Variants in SMARCB1 observed in about 807,000 individuals in gnomAD.
SMARCB1 encodes the protein SWI/SNF-related matrix-associated actin-dependent regulator of chromatin subfamily B member 1.
Under a neutral mutation model 49.0 loss-of-function variants are expected in SMARCB1, and 5 were observed. The observed-to-expected ratio is 0.10, with a 90% CI of 0.05 to 0.21. The LOEUF is 0.21. SMARCB1 is among the 10% of genes least tolerant of loss of function. The pLI is 1.00. For synonymous variants in SMARCB1, 201 were observed against 200.1 expected (o/e 1.00, Z -0.04); for missense variants, 226 against 509.2 (o/e 0.44, Z 5.35).
chr22:23,795,458 C>A lies in SMARCB1; in HGVS notation c.362+1770C>A, dbSNP rs560348923. 7.9e-5 allele frequency among the ~76,000 whole-genome samples: 12 copies of A among 152,164 alleles called. No homozygotes were observed. The South Asian group carries it at 2.5e-3, about 32-fold the overall frequency. On this transcript the variant is annotated intron_variant, in intron 3 of 8. Coordinates refer to ENST00000644036, the MANE Select transcript of SMARCB1 (RefSeq NM_003073.5). ...ATCACCTGAGGTCAGGAGTTCGAGA[C>A]CAGCCTGACCAACATGGTGAAGCCT... is the stretch of plus-strand genomic sequence containing the variant.
chr22:23,792,046 G>A, intron 2 of SMARCB1, 152 bp downstream of exon 2: 1 of 749,194 alleles, frequency 1.3e-6, no homozygotes, highest in Non-Finnish European at 2.3e-6. Context: ...GAGCACTCCA[G>A]GCAAGGAAGT....
rs2145959920 is a variant in SMARCB1 at position 23,791,768 on chromosome 22, C to T, written c.106C>T (p.Leu36Phe). The change falls in exon 2 of 9, where the codon CTC becomes TTC. Residue 36 changes from leucine to phenylalanine, a missense_variant. By Grantham distance (22) the Leu-to-Phe change is conservative. Transcript: ENST00000644036. Reference protein sequence around the residue: ...YMIGSEVGNYLRMFRGSLYKR... With the variant: ...YMIGSEVGNYFRMFRGSLYKR... ...GCTTTACTCATAGGTGGGAAACTAC[C>T]TCCGTATGTTCCGAGGTTCTCTGTA... 6.2e-7 allele frequency: 1 copy of T among 1,614,036 alleles called. No homozygotes were observed. The highest frequency in any genetic ancestry group is 8.5e-7 in the Non-Finnish European group (1 of 1,179,922).
intron 3 of SMARCB1, among the ~76,000 whole-genome samples, chr22:23,797,912 C>T (rs1001065100): frequency 6.6e-6 from 1 of 152,150 alleles, no homozygotes; most frequent in Non-Finnish European, 1.5e-5. Context: ...AACCACCACA[C>T]CTGGCCAGAA....
intron 7 of SMARCB1, among the ~76,000 whole-genome samples, chr22:23,833,178 C>T (rs2030752769): frequency 6.6e-6 from 1 of 152,174 alleles, no homozygotes; most frequent in Non-Finnish European, 1.5e-5. Context: ...GCTCTGGACA[C>T]TGAGTGGAGC....
intron 1 of SMARCB1, among the ~76,000 whole-genome samples, chr22:23,790,865 T>G: frequency 6.6e-6 from 1 of 152,074 alleles, no homozygotes; most frequent in African/African-American, 2.4e-5. Context: ...TAATAAAAAT[T>G]AAAAATAAAT....
rs1488589550 is a variant in SMARCB1 at position 23,834,553 on chromosome 22, AAAT to A, written c.*377_*379del. ...CAATTTCTTCAAAGTTTTAACATAA[AAAT>A]AATGAGAGCCAGGAGTGGGGCCGGG... On this transcript the variant is annotated 3_prime_UTR_variant, in exon 9 of 9. Coordinates refer to ENST00000644036, the MANE Select transcript of SMARCB1 (RefSeq NM_003073.5). The A allele has an allele frequency of 5.7e-6, 4 of 700,768 alleles. No homozygotes were observed. The highest frequency in any genetic ancestry group is 5.3e-5 in the African/African-American group (3 of 57,108). The allele number at this position is 700,768 out of a possible 1,614,324, so 43.4% of individuals were successfully genotyped here. A position where few individuals can be genotyped will look rare whatever the true frequency, so the allele number is the denominator to read the frequency against.
intron 5 of SMARCB1, among the ~76,000 whole-genome samples, chr22:23,814,738 A>C (rs986191465): frequency 5.9e-5 from 9 of 152,068 alleles, no homozygotes; most frequent in African/African-American, 2.2e-4. Flanking sequence ...TGGGAGGCTG[A>C]GGTGGGCGGA....
In SMARCB1 at chr22:23,809,079, C is replaced by T. The variant is rs891339178; in HGVS notation, c.628+5657C>T. On this transcript the variant is annotated intron_variant, in intron 5 of 8. Transcript: ENST00000644036. The stretch of plus-strand genomic sequence containing the variant: ...CGATCTCCTGACCTCATGATCTGCC[C>T]GCCTTGGCCTCCCAAAGTGCTGGGA... Among the ~76,000 whole-genome samples the T allele has an allele frequency of 7.9e-5, 12 of 151,120 alleles. No individual in the cohort carries two copies. In the South Asian group the frequency reaches 1.3e-3, roughly 16 times the overall value.
chr22:23,794,514 A>T (rs972030864), intron 3 of SMARCB1, among the ~76,000 whole-genome samples: 2 of 152,238 alleles, frequency 1.3e-5, no homozygotes, highest in Middle Eastern at 3.4e-3. Context: ...CTCATTTCTT[A>T]AAAAAACATG....
At chr22:23,797,005 T>C (rs1437677880) in intron 3 of SMARCB1, among the ~76,000 whole-genome samples, 2 of 150,408 alleles carry the variant, frequency 1.3e-5, no homozygotes, top group Non-Finnish European at 3.0e-5. Context: ...TTTTTCTTTT[T>C]TTTTTTTTTT....
At chr22:23,788,484 C>T (rs1928157136) in intron 1 of SMARCB1, among the ~76,000 whole-genome samples, 1 of 151,900 alleles carries the variant, frequency 6.6e-6, no homozygotes, top group Non-Finnish European at 1.5e-5. Context: ...CGGCTCACTG[C>T]AGCCTTGACC....
chr22:23,830,575 A>T (rs567916691), intron 7 of SMARCB1, among the ~76,000 whole-genome samples: 61 of 149,420 alleles, frequency 4.1e-4, no homozygotes, highest in African/African-American at 1.4e-3. Flanking sequence ...TCTCATTTGG[A>T]GGATTGCCTT....
chr22:23,801,398 T>C (rs1929148479), intron 4 of SMARCB1: 1 of 654,922 alleles, frequency 1.5e-6, no homozygotes, highest in Non-Finnish European at 2.8e-6. Flanking sequence ...GCCAGTCTGA[T>C]GGTGCAGATG....
rs8136341 is a variant in SMARCB1, at chr22:23,798,923, G to A, written c.363-2021G>A. Among the ~76,000 whole-genome samples, 8 of 152,122 alleles carry A rather than the reference G, an allele frequency of 5.3e-5. No individual in the cohort carries two copies. In the South Asian group the frequency reaches 1.0e-3, roughly 20 times the overall value. On this transcript the variant is annotated intron_variant, in intron 3 of 8. Transcript: ENST00000644036. ...AACTTAGCCGGGCGTGGTGGTGGGC[G>A]CCTGTAGTCCCAGCTACTCGGGAGG...
intron 7 of SMARCB1, among the ~76,000 whole-genome samples, chr22:23,829,898 A>C (rs142363199): frequency 4.6e-5 from 7 of 152,322 alleles, no homozygotes; most frequent in African/African-American, 9.6e-5. Flanking sequence ...ACTTCATAGA[A>C]ATGGAACCAT....
intron 7 of SMARCB1, among the ~76,000 whole-genome samples, chr22:23,830,332 C>CA (rs2030587775): frequency 1.3e-5 from 2 of 152,118 alleles, no homozygotes; most frequent in African/African-American, 4.8e-5. Context: ...TCTTTTTGAT[C>CA]GTAGCCGTCT....
intron 7 of SMARCB1, among the ~76,000 whole-genome samples, chr22:23,831,744 T>C (rs1310175195): frequency 2.6e-5 from 4 of 152,160 alleles, no homozygotes; most frequent in African/African-American, 9.7e-5. Flanking sequence ...GTGGGCTTGG[T>C]ACCTTTCACG....
intron 5 of SMARCB1, among the ~76,000 whole-genome samples, chr22:23,808,675 A>G (rs936584493): frequency 6.6e-6 from 1 of 151,736 alleles, no homozygotes; most frequent in Non-Finnish European, 1.5e-5. Context: ...AGTATTGTTC[A>G]GGAATGAACG....
chr22:23,787,251 A>G lies in SMARCB1; in HGVS notation c.82A>G (p.Ile28Val). The part of the protein sequence containing the change: ...QLEDDGEFYM[I>V]GSEVGNYLRM... ...GGAGGACGACGGCGAGTTCTACATG[A>G]TCGGCTCCGAGGTAGCCCGGGGCGC... Residue 28 changes from isoleucine to valine, a missense_variant, in exon 1 of 9, where the codon ATC becomes GTC. Ile to Val is a conservative substitution (Grantham distance 29). Around this residue, in one of 6 missense-constraint regions of SMARCB1, gnomAD observed 37 missense variants for 36.9 expected, o/e 1.00. Coordinates refer to ENST00000644036, the MANE Select transcript of SMARCB1 (RefSeq NM_003073.5). 1 of 1,599,140 alleles carries G rather than the reference A, an allele frequency of 6.3e-7. No individual in the cohort carries two copies. The highest frequency in any genetic ancestry group is 1.4e-5 in the African/African-American group (1 of 73,976).
Sources: allele counts gnomAD v4.1 joint callset (sites outside exome capture counted in the v4.1 genomes callset), GRCh38; gene constraint gnomAD v4.1.1; regional missense constraint gnomAD v4.1.1; transcripts MANE v1.5; gene names NCBI Gene and HGNC (gene_info 2026-07-23, HGNC 2026-07-21).